KIF13B: variants seen among roughly 807,000 people sequenced by gnomAD.
KIF13B encodes the protein kinesin family member 13B, also known as kinesin-like protein KIF13B.
KIF13B carries 127 observed loss-of-function variants against 222.0 expected under a neutral mutation model. The observed-to-expected ratio is 0.57, with a 90% CI of 0.50 to 0.66. The LOEUF (loss-of-function observed/expected upper bound fraction) is 0.66. Ranked by LOEUF, KIF13B falls within the 30% of genes least tolerant of loss-of-function variation. The pLI is 0.00. For missense variants in KIF13B, 2,173 were observed against 2,379.0 expected (o/e 0.91, Z 1.80); for synonymous variants, 976 against 919.0 (o/e 1.06, Z -1.12).
intron 35 of KIF13B, among the ~76,000 whole-genome samples, chr8:29,103,039 G>A (rs1002962207): frequency 2.6e-5 from 4 of 151,918 alleles, no homozygotes; most frequent in East Asian, 1.9e-4. Context: ...TCAGGAGATC[G>A]AGACCATCCT....
rs1586911899 is a variant in KIF13B, at chr8:29,196,272, A to T, written c.150-73T>A. ...AAAAAAAAAAAAAATTTAGTTTAGA[A>T]GACTTTTTTTGAAGGGTAAAATAAT... On this transcript the variant is annotated intron_variant, in intron 2 of 39. Coordinates refer to ENST00000524189, the MANE Select transcript of KIF13B (RefSeq NM_015254.4). 3.0e-6 allele frequency: 4 copies of T among 1,350,214 alleles called. 1 individual carries two copies. The Admixed American group carries it at 1.0e-4, about 34-fold the overall frequency. 83.6% of individuals were successfully genotyped at this position (1,350,214 alleles called of 1,614,324 possible). A position where few individuals can be genotyped will look rare whatever the true frequency, so the allele number is the denominator to read the frequency against.
Position 29,167,355 on chromosome 8 carries a change from C to T in KIF13B, c.1158+18G>A, listed in dbSNP as rs977354125. On this transcript the variant is annotated intron_variant, in intron 11 of 39. Transcript: ENST00000524189. The stretch of plus-strand genomic sequence containing the variant: ...CCTCTTCCTGGACTCACAGGGCGCA[C>T]GCGGTGGTGCCTCCTACCTCTGCTT... 5 of 1,599,424 alleles carry T rather than the reference C, an allele frequency of 3.1e-6. No homozygotes were observed. Among genetic ancestry groups the T allele is most frequent in the Non-Finnish European group, 4.3e-6 (5 of 1,169,262 alleles).
intron 10 of KIF13B, among the ~76,000 whole-genome samples, chr8:29,169,854 A>G (rs73558602): frequency 0.06 from 9,196 of 152,252 alleles, 579 homozygotes; most frequent in African/African-American, 0.15. Flanking sequence ...GCAGCATCGC[A>G]TTGTCCTCTG....
chr8:29,131,887 G>T (rs1366907099), intron 23 of KIF13B, among the ~76,000 whole-genome samples: 8 of 152,274 alleles, frequency 5.3e-5, no homozygotes, highest in African/African-American at 1.9e-4. Flanking sequence ...GGGAACACTG[G>T]TCATGCTCAG....
intron 2 of KIF13B, among the ~76,000 whole-genome samples, chr8:29,243,788 T>G (rs917871310): frequency 2.0e-5 from 3 of 152,224 alleles, no homozygotes; most frequent in African/African-American, 7.2e-5. Flanking sequence ...CTATGAAAAT[T>G]CATCAAGCTA....
At chr8:29,177,296 T>C (rs1480658824) in intron 9 of KIF13B, among the ~76,000 whole-genome samples, 170 bp downstream of exon 9, 1 of 152,214 alleles carries the variant, frequency 6.6e-6, no homozygotes, top group East Asian at 1.9e-4. Flanking sequence ...TGACTGAGGC[T>C]GTGCTCTTCA....
At chr8:29,143,294 G>A (rs1810901741) in intron 18 of KIF13B, among the ~76,000 whole-genome samples, 1 of 152,238 alleles carries the variant, frequency 6.6e-6, no homozygotes, top group South Asian at 2.1e-4. Context: ...TTGCTGCGGT[G>A]TATGGGGAAG....
rs377015926 is a variant in KIF13B at position 29,068,620 on chromosome 8, G to A, written c.*1884C>T. On this transcript the variant is annotated 3_prime_UTR_variant, in exon 40 of 40. Coordinates refer to ENST00000524189, the MANE Select transcript of KIF13B (RefSeq NM_015254.4). The surrounding 1 kb of genome is among the most constrained non-coding windows in gnomAD (Gnocchi z 4.4). ...ATGGCTCAGCCACCACGAAGTGCCA[G>A]GTCCCACCCACGCTGCCCGTCCGCC... The A allele has an allele frequency of 6.6e-5, 10 of 152,494 alleles. 1 individual carries two copies. Among genetic ancestry groups the A allele is most frequent in the African/African-American group, 2.4e-4 (10 of 41,578 alleles). The allele number at this position is 152,494 out of a possible 1,614,324, so 9.4% of individuals were successfully genotyped here. A position where few individuals can be genotyped will look rare whatever the true frequency, so the allele number is the denominator to read the frequency against.
At chr8:29,077,340 G>A (rs917418123) in intron 37 of KIF13B, among the ~76,000 whole-genome samples, 1 of 152,202 alleles carries the variant, frequency 6.6e-6, no homozygotes, top group African/African-American at 2.4e-5. Context: ...GCTCAAGCAC[G>A]CGTCCCACAC....
At position 29,140,540 on chromosome 8, in the gene KIF13B, A is replaced by G. The variant is rs368178496; in HGVS notation, c.2412T>C (p.Asn804=). 10 of 1,613,806 alleles carry G rather than the reference A, an allele frequency of 6.2e-6. No individual in the cohort carries two copies. The highest frequency in any genetic ancestry group is 8.5e-6 in the Non-Finnish European group (10 of 1,179,816). Residue 804 remains asparagine, a synonymous_variant, in exon 20 of 40, where the codon AAT becomes AAC. Transcript: ENST00000524189. ...QENHSLIGVA[N]VFLESLFYDV... is the part of the protein sequence containing the mutation. ...CATAGAAAAGTGACTCGAGGAAGAC[A>G]TTGGCCACCCCAATGAGACTGTGAT...
At chr8:29,107,460 G>C (rs927974262) in intron 35 of KIF13B, among the ~76,000 whole-genome samples, 1 of 152,146 alleles carries the variant, frequency 6.6e-6, no homozygotes, top group East Asian at 1.9e-4. Flanking sequence ...CCTGGGAGGC[G>C]GAGGTTGTAG....
intron 2 of KIF13B, among the ~76,000 whole-genome samples, chr8:29,232,530 CAAAAAT>C (rs1815332231): frequency 6.6e-6 from 1 of 151,344 alleles, no homozygotes; most frequent in African/African-American, 2.4e-5. Context: ...CAAGTAAAAA[CAAAAAT>C]AAAGTTAGTC....
rs762342411 is a variant in KIF13B, at chr8:29,070,782, A to T, written c.5219-16T>A. The T allele has an allele frequency of 3.8e-6, 6 of 1,583,900 alleles. No homozygotes were observed. Among genetic ancestry groups the T allele is most frequent in the Non-Finnish European group, 3.4e-6 (4 of 1,165,838 alleles). ...TCATTCTTACCTGCGGGGGAAGGAG[A>T]GGGTGATATGGAGGGCAGCCGAGCT... On this transcript the variant is annotated splice_polypyrimidine_tract_variant and intron_variant, in intron 39 of 39. Transcript: ENST00000524189. The surrounding 1 kb of genome is among the most constrained non-coding windows in gnomAD (Gnocchi z 4.1).
intron 2 of KIF13B, among the ~76,000 whole-genome samples, chr8:29,212,812 G>A (rs1287376669): frequency 6.7e-6 from 1 of 149,134 alleles, no homozygotes; most frequent in Non-Finnish European, 1.5e-5. Flanking sequence ...TTGGGAAATT[G>A]TATTTGATTA....
At position 29,139,395 on chromosome 8, in the gene KIF13B, G is replaced by A. The variant is rs956303292; in HGVS notation, c.2613+668C>T. Among the ~76,000 whole-genome samples, 7 of 152,052 alleles carry A rather than the reference G, an allele frequency of 4.6e-5. No homozygotes were observed. The East Asian group carries it at 5.8e-4, about 13-fold the overall frequency. On this transcript the variant is annotated intron_variant, in intron 21 of 39. Transcript: ENST00000524189. ...TCATCAACCCTATGTCTCCATCTCC[G>A]ATCATCACATGACTCAAAGGAGCTG... is the stretch of plus-strand genomic sequence containing the variant.
intron 28 of KIF13B, 45 bp downstream of exon 28, chr8:29,123,321 T>C: frequency 6.2e-7 from 1 of 1,600,812 alleles, no homozygotes; most frequent in Non-Finnish European, 8.5e-7. Flanking sequence ...AGCAAGTGGC[T>C]TGGTGAGCGT....
intron 29 of KIF13B, among the ~76,000 whole-genome samples, chr8:29,120,225 T>A (rs1254309147): frequency 1.5e-5 from 2 of 132,292 alleles, no homozygotes; most frequent in Admixed American, 7.6e-5. Flanking sequence ...CATGTGCACA[T>A]TGTGCAGGTT....
At chr8:29,204,566 A>G (rs1319817214) in intron 2 of KIF13B, among the ~76,000 whole-genome samples, 1 of 152,224 alleles carries the variant, frequency 6.6e-6, no homozygotes, top group African/African-American at 2.4e-5. Flanking sequence ...AAATAAAAAG[A>G]AAGTTTAAAT....
At chr8:29,154,211 G>A (rs1811417860) in intron 14 of KIF13B, among the ~76,000 whole-genome samples, 1 of 152,154 alleles carries the variant, frequency 6.6e-6, no homozygotes, top group African/African-American at 2.4e-5. Flanking sequence ...CAGCTACTCA[G>A]CAGGACGAGG....
Sources: allele counts gnomAD v4.1 joint callset (sites outside exome capture counted in the v4.1 genomes callset), GRCh38; gene constraint gnomAD v4.1.1; non-coding constraint Gnocchi (gnomAD v3.1); transcripts MANE v1.5; gene names NCBI Gene and HGNC (gene_info 2026-07-23, HGNC 2026-07-21).